Variants in KLHL3 observed in about 807,000 individuals in gnomAD.
KLHL3 encodes the protein kelch-like protein 3.
Under a neutral mutation model 70.5 loss-of-function variants are expected in KLHL3, and 19 were observed. The ratio of observed to expected loss-of-function variants is 0.27; its 90% confidence interval spans 0.19 to 0.40. KLHL3 has a LOEUF of 0.40. KLHL3 is among the 10% of genes least tolerant of loss of function. The pLI, the probability that KLHL3 is intolerant of heterozygous loss-of-function variation, is 1.00. For synonymous variants in KLHL3, 258 were observed against 290.3 expected (o/e 0.89, Z 1.13); for missense variants, 512 against 771.1 (o/e 0.66, Z 3.98).
At chr5:137,695,212 T>C (rs764316852) in intron 4 of KLHL3, among the ~76,000 whole-genome samples, 33 of 152,212 alleles carry the variant, frequency 2.2e-4, no homozygotes, top group Non-Finnish European at 4.0e-4. Context: ...AAAACCTCCC[T>C]GGATAGAGCT....
chr5:137,646,444 C>T (rs1751047736), intron 8 of KLHL3, among the ~76,000 whole-genome samples: 1 of 152,140 alleles, frequency 6.6e-6, no homozygotes, highest in South Asian at 2.1e-4. Context: ...CTGTGTTGAT[C>T]ATGCAGAGTA....
At position 137,620,239 on chromosome 5, in the gene KLHL3, T is replaced by C. The variant is rs1455043546; in HGVS notation, c.*1859A>G. 1 of 152,240 alleles carries C rather than the reference T, an allele frequency of 6.6e-6. No individual in the cohort carries two copies. Among genetic ancestry groups the C allele is most frequent in the Admixed American group, 6.5e-5 (1 of 15,288 alleles). 9.4% of individuals were successfully genotyped at this position (152,240 alleles called of 1,614,324 possible). ...AGGCTTCTAAAAATTCTGGGTACCT[T>C]GTTGTTCTCCAAGCATCTTGTTGAA... On this transcript the variant is annotated 3_prime_UTR_variant, in exon 15 of 15. Transcript: ENST00000309755.
intron 8 of KLHL3, among the ~76,000 whole-genome samples, chr5:137,640,769 G>A (rs1750895153): frequency 6.6e-6 from 1 of 152,080 alleles, no homozygotes; most frequent in African/African-American, 2.4e-5. Flanking sequence ...CAGGATCCAA[G>A]CAAACACAGC....
chr5:137,642,996 A>T (rs1750954855), intron 8 of KLHL3, among the ~76,000 whole-genome samples: 1 of 152,188 alleles, frequency 6.6e-6, no homozygotes, highest in South Asian at 2.1e-4. Context: ...TTTCACAGAA[A>T]CAGTATTACA....
chr5:137,709,622 T>C (rs1752754401), intron 3 of KLHL3, 128 bp downstream of exon 3: 1 of 722,674 alleles, frequency 1.4e-6, no homozygotes, highest in South Asian at 1.7e-5. Context: ...CTATCTGGCG[T>C]AGAGAAGCCC....
intron 13 of KLHL3, among the ~76,000 whole-genome samples, chr5:137,627,540 A>AGAATAAT (rs1750508189): frequency 7.0e-6 from 1 of 143,040 alleles, no homozygotes; most frequent in Non-Finnish European, 1.5e-5. Flanking sequence ...AGGTAATATG[A>AGAATAAT]GAATAATGAA....
At chr5:137,627,488 C>CTG (rs58918247) in intron 13 of KLHL3, among the ~76,000 whole-genome samples, 7 of 92,400 alleles carry the variant, frequency 7.6e-5, no homozygotes, top group Admixed American at 7.4e-4. Flanking sequence ...CCCCCCCCCC[C>CTG]GGTTTACACT....
chr5:137,668,283 A>C (rs1751663394), intron 6 of KLHL3, among the ~76,000 whole-genome samples: 1 of 152,030 alleles, frequency 6.6e-6, no homozygotes, highest in South Asian at 2.1e-4. Context: ...GGTGGCGCAC[A>C]CCTGTGGTCC....
At chr5:137,680,191 A>G (rs1174780161) in intron 5 of KLHL3, among the ~76,000 whole-genome samples, 1 of 152,194 alleles carries the variant, frequency 6.6e-6, no homozygotes, top group Non-Finnish European at 1.5e-5. Flanking sequence ...ACCTTCCTGA[A>G]TCATCTTCTA....
chr5:137,656,544 TTAATAATC>T (rs1751350203), intron 8 of KLHL3, among the ~76,000 whole-genome samples: 1 of 152,256 alleles, frequency 6.6e-6, no homozygotes, highest in Non-Finnish European at 1.5e-5. Context: ...TAGTATCCTT[TTAATAATC>T]CACAATAAGC....
intron 6 of KLHL3, among the ~76,000 whole-genome samples, chr5:137,669,886 A>C (rs1751708311): frequency 6.6e-6 from 1 of 152,210 alleles, no homozygotes; most frequent in African/African-American, 2.4e-5. Context: ...TTGAAGCCAA[A>C]ATGGCTCACA....
chr5:137,647,412 T>C (rs1479409909), intron 8 of KLHL3, among the ~76,000 whole-genome samples: 1 of 152,090 alleles, frequency 6.6e-6, no homozygotes, highest in African/African-American at 2.4e-5. Flanking sequence ...AGCCTACGTG[T>C]AGATCAAGAC....
At chr5:137,677,678 AGT>A in intron 5 of KLHL3, 24 bp from the exon 6 acceptor site, 1 of 1,450,928 alleles carries the variant, frequency 6.9e-7, no homozygotes, top group Non-Finnish European at 9.3e-7. Context: ...AAAAAAAAGA[AGT>A]TAAGAAAACA....
At chr5:137,699,565 A>C (rs1752523451) in intron 3 of KLHL3, among the ~76,000 whole-genome samples, 1 of 152,184 alleles carries the variant, frequency 6.6e-6, no homozygotes, top group Non-Finnish European at 1.5e-5. Context: ...GAGAGAAGGC[A>C]GGGCTGTAAA....
intron 2 of KLHL3, among the ~76,000 whole-genome samples, chr5:137,710,481 C>T (rs1211872688): frequency 2.6e-5 from 4 of 152,204 alleles, no homozygotes; most frequent in Non-Finnish European, 5.9e-5. Flanking sequence ...CTGTTTGTCA[C>T]CCCAACTCAG....
intron 8 of KLHL3, among the ~76,000 whole-genome samples, chr5:137,654,829 G>A (rs889785515): frequency 3.3e-5 from 5 of 152,160 alleles, no homozygotes; most frequent in Admixed American, 6.5e-5. Context: ...GGATGGCTTT[G>A]ACCTCCTGAA....
At chr5:137,645,657 G>A (rs1446001039) in intron 8 of KLHL3, among the ~76,000 whole-genome samples, 2 of 151,746 alleles carry the variant, frequency 1.3e-5, no homozygotes, top group Non-Finnish European at 1.5e-5. Context: ...AAATTGAAGA[G>A]GACACAAATA....
chr5:137,665,706 A>G (rs907244038), intron 6 of KLHL3, among the ~76,000 whole-genome samples: 1 of 152,204 alleles, frequency 6.6e-6, no homozygotes, highest in Non-Finnish European at 1.5e-5. Context: ...TGCCAGGAGG[A>G]AAAAAGGACT....
intron 1 of KLHL3, among the ~76,000 whole-genome samples, chr5:137,733,552 T>C (rs547581602): frequency 3.0e-4 from 45 of 152,334 alleles, no homozygotes; most frequent in African/African-American, 1.1e-3. Context: ...GGTGGGCCTA[T>C]TATTCAGTGT....
Sources: gnomAD v4.1 joint callset for allele counts (sites outside exome capture counted in the v4.1 genomes callset) on GRCh38, gnomAD v4.1.1 for gene constraint, MANE v1.5 for transcripts, NCBI Gene and HGNC (gene_info 2026-07-23, HGNC 2026-07-21) for gene names.